PCED1B: variants seen among roughly 807,000 people sequenced by gnomAD.
PCED1B encodes the protein PC-esterase domain containing 1B.
For missense variants in PCED1B, 573 were observed against 573.9 expected, an observed-to-expected ratio of 1.00 and a Z score of 0.02; for synonymous variants, 251 against 246.1, an observed-to-expected ratio of 1.02 and a Z score of -0.19.
At chr12:47,146,981 T>C (rs1592200899) in intron 2 of PCED1B, among the ~76,000 whole-genome samples, 1 of 150,208 alleles carries the variant, frequency 6.7e-6, no homozygotes, top group Admixed American at 6.7e-5. Flanking sequence ...TTTCTTTAGA[T>C]ATCCTAGTTC....
At chr12:47,185,093 G>C (rs1267827579) in intron 2 of PCED1B, among the ~76,000 whole-genome samples, 1 of 152,294 alleles carries the variant, frequency 6.6e-6, no homozygotes, top group East Asian at 1.9e-4. Context: ...AGATGTTGCT[G>C]CATCTCCAGG....
At chr12:47,140,374 G>A (rs758233506) in intron 2 of PCED1B, among the ~76,000 whole-genome samples, 1 of 152,106 alleles carries the variant, frequency 6.6e-6, no homozygotes, top group Admixed American at 6.5e-5. Flanking sequence ...TGTAAAATGT[G>A]GGTTTGAAAA....
intron 3 of PCED1B, among the ~76,000 whole-genome samples, chr12:47,231,574 G>A (rs1943809031): frequency 6.6e-6 from 1 of 152,108 alleles, no homozygotes; most frequent in Non-Finnish European, 1.5e-5. Flanking sequence ...GGGCAGATCT[G>A]GAGGCCCTTT....
At chr12:47,120,542 C>T (rs1380538960) in intron 2 of PCED1B, among the ~76,000 whole-genome samples, 3 of 152,168 alleles carry the variant, frequency 2.0e-5, no homozygotes, top group Non-Finnish European at 2.9e-5. Context: ...TGGCTCATGC[C>T]TGTAATCCCA....
chr12:47,137,363 C>T (rs1592188526), intron 2 of PCED1B, among the ~76,000 whole-genome samples: 1 of 152,208 alleles, frequency 6.6e-6, no homozygotes, highest in East Asian at 1.9e-4. Flanking sequence ...CCAAGGCAAT[C>T]CTTTGCAAAA....
intron 2 of PCED1B, among the ~76,000 whole-genome samples, chr12:47,162,510 G>A (rs975771330): frequency 1.3e-5 from 2 of 152,204 alleles, no homozygotes; most frequent in Non-Finnish European, 2.9e-5. Flanking sequence ...AAGAAATGAG[G>A]TTTATTTTGG....
At chr12:47,229,718 C>CA (rs973329537) in intron 3 of PCED1B, among the ~76,000 whole-genome samples, 18 of 152,024 alleles carry the variant, frequency 1.2e-4, no homozygotes, top group African/African-American at 4.1e-4. Context: ...ATGACATCAC[C>CA]ATCATTTCTG....
intron 2 of PCED1B, among the ~76,000 whole-genome samples, chr12:47,155,017 CAGATGG>C (rs2137472680): frequency 6.6e-6 from 1 of 152,126 alleles, no homozygotes; most frequent in African/African-American, 2.4e-5. Context: ...ACGAGGGCAC[CAGATGG>C]TATGGATCAC....
chr12:47,150,723 G>A (rs1940960166), intron 2 of PCED1B, among the ~76,000 whole-genome samples: 2 of 152,064 alleles, frequency 1.3e-5, no homozygotes, highest in Admixed American at 6.6e-5. Context: ...AGGAGCTCAT[G>A]GGGTGTGTTG....
chr12:47,090,305 G>A (rs1316304715), intron 1 of PCED1B, among the ~76,000 whole-genome samples: 2 of 152,130 alleles, frequency 1.3e-5, no homozygotes, highest in East Asian at 1.9e-4. Flanking sequence ...GAGGAGCCAC[G>A]TGGAGAAAAA....
intron 3 of PCED1B, among the ~76,000 whole-genome samples, chr12:47,217,740 C>A (rs1943344945): frequency 6.6e-6 from 1 of 151,980 alleles, no homozygotes; most frequent in South Asian, 2.1e-4. Context: ...CCACTCCCAG[C>A]TAATTTTTAT....
At chr12:47,112,445 G>T (rs1236536017) in intron 2 of PCED1B, among the ~76,000 whole-genome samples, 1 of 152,138 alleles carries the variant, frequency 6.6e-6, no homozygotes, top group African/African-American at 2.4e-5. Context: ...TTTCTATCCT[G>T]GAGGAAAATA....
chr12:47,123,390 T>G (rs904465040), intron 2 of PCED1B, among the ~76,000 whole-genome samples: 3 of 152,164 alleles, frequency 2.0e-5, no homozygotes, highest in African/African-American at 7.2e-5. Flanking sequence ...ATAGTTGTAT[T>G]TTATCCATGC....
chr12:47,154,047 G>A (rs1194274372), intron 2 of PCED1B, among the ~76,000 whole-genome samples: 3 of 152,264 alleles, frequency 2.0e-5, no homozygotes, highest in Middle Eastern at 3.4e-3. Flanking sequence ...TTACATCATT[G>A]ATGGGAGACA....
chr12:47,197,460 T>C (rs1942641383), intron 2 of PCED1B, among the ~76,000 whole-genome samples: 1 of 151,080 alleles, frequency 6.6e-6, no homozygotes, highest in Admixed American at 6.6e-5. Flanking sequence ...TACAAAAAAT[T>C]AGCTGGGCAT....
Position 47,236,292 on chromosome 12 carries a change from C to T in PCED1B, c.1229C>T (p.Thr410Met), listed in dbSNP as rs770009860. ...AGGTATCGTCCCCGTGGCCCCTATA[C>T]GCCCTGGGGACAGCGGCCTCGACCT... ...FGRYRPRGPY[T>M]PWGQRPRPSK... The change falls in exon 4 of 4, where the codon ACG (threonine) becomes ATG (methionine). Residue 410 changes from threonine (T) to methionine (M), a missense_variant. Thr to Met is a moderately conservative substitution (Grantham distance 81, BLOSUM62 -1). Transcript: ENST00000546455. 16 of 1,614,078 alleles carry T rather than the reference C, an allele frequency of 9.9e-6. No homozygotes were observed. Among genetic ancestry groups the T allele is most frequent in the Admixed American group, 6.7e-5 (4 of 60,016 alleles).
At chr12:47,177,955 A>C (rs1216299682) in intron 2 of PCED1B, among the ~76,000 whole-genome samples, 2 of 152,128 alleles carry the variant, frequency 1.3e-5, no homozygotes, top group Non-Finnish European at 2.9e-5. Flanking sequence ...TCAAAAAAAA[A>C]GTTTGAGATT....
chr12:47,115,714 T>G (rs1179821056), intron 2 of PCED1B, among the ~76,000 whole-genome samples: 1 of 152,230 alleles, frequency 6.6e-6, no homozygotes, highest in Admixed American at 6.5e-5. Context: ...CCATTTATTC[T>G]CTAAGTGAGG....
At chr12:47,086,755 A>G (rs1457443335) in intron 1 of PCED1B, among the ~76,000 whole-genome samples, 3 of 152,178 alleles carry the variant, frequency 2.0e-5, no homozygotes, top group African/African-American at 4.8e-5. Context: ...CTTAAACGCT[A>G]TTATATCCCT....
Sources: allele counts gnomAD v4.1 joint callset (sites outside exome capture counted in the v4.1 genomes callset), GRCh38; gene constraint gnomAD v4.1.1; transcripts MANE v1.5; gene names NCBI Gene and HGNC (gene_info 2026-07-23, HGNC 2026-07-21).